The following TSEN54 variants were observed in gnomAD, a reference collection of about 807,000 sequenced individuals.
TSEN54 encodes the protein tRNA splicing endonuclease subunit 54.
In TSEN54, 55 loss-of-function variants were observed where a neutral mutation model predicts 61.9. The ratio of observed to expected loss-of-function variants is 0.89; its 90% CI spans 0.72 to 1.11. The LOEUF is 1.11. Ranked by LOEUF, TSEN54 falls within the 50% of genes most tolerant of loss-of-function variation. The probability of loss-of-function intolerance (pLI) is 0.00; values close to 1 mark genes in which losing one functional copy is unlikely to be tolerated. For missense variants in TSEN54, 760 were observed against 687.7 expected, an observed-to-expected ratio of 1.11 and a Z score of -1.18; for synonymous variants, 304 against 288.7, an observed-to-expected ratio of 1.05 and a Z score of -0.54.
rs2053434009 is a variant in TSEN54 at position 75,522,057 on chromosome 17, A to C, written c.976A>C (p.Asn326His). The C allele has an allele frequency of 6.3e-7, 1 of 1,589,686 alleles. No individual in the cohort carries two copies. Among genetic ancestry groups the C allele is most frequent in the African/African-American group, 1.3e-5 (1 of 74,382 alleles). Residue 326 changes from asparagine (N) to histidine (H), a missense_variant, in exon 8 of 11, where the codon AAC becomes CAC. Asn to His is a moderately conservative substitution (Grantham distance 68, BLOSUM62 1). Coordinates refer to ENST00000333213, the MANE Select transcript of TSEN54 (RefSeq NM_207346.3). The part of the protein sequence containing the change: ...RAPAPELLPA[N>H]VAGRETDAES... ...CCCAGCCCCAGAGCTGCTCCCGGCCAACGTGGCTGGGCGGGAGACAGACGC... is the reference window on the plus strand; with the variant it reads ...CCCAGCCCCAGAGCTGCTCCCGGCCCACGTGGCTGGGCGGGAGACAGACGC...
Position 75,516,858 on chromosome 17 carries a change from C to G in TSEN54, c.169C>G (p.Arg57Gly). 6.4e-7 allele frequency: 1 copy of G among 1,572,470 alleles called. No homozygotes were observed. Among genetic ancestry groups the G allele is most frequent in the Non-Finnish European group, 8.6e-7 (1 of 1,166,176 alleles). Residue 57 changes from arginine to glycine, a missense_variant, in exon 2 of 11, where the codon CGG becomes GGG. Transcript: ENST00000333213. ...GSAAQAERLR[R>G]CREELWQLLA... ...GGCAGCTCAGGCCGAGCGGCTGCGC[C>G]GGTGCCGGGAAGAGCTCTGGCAGCT... is the stretch of plus-strand genomic sequence containing the variant.
At position 75,517,017 on chromosome 17, in the gene TSEN54, TG is replaced by T; in HGVS notation, c.232del (p.Val78TrpfsTer14). On this transcript the variant is annotated frameshift_variant, in exon 3 of 11. Transcript: ENST00000333213. LOFTEE classifies it high-confidence loss of function. Reference protein sequence around the residue: ...AEQRVERLGSLVAAEWRPEEG... With the variant: ...AEQRVERLGSXVAAEWRPEEG... ...TCCCCACTCCTCGCCAGGGGCAGCT[TG>T]GTGGCTGCCGAGTGGAGGCCAGAAG... 6.3e-7 allele frequency: 1 copy of T among 1,588,442 alleles called. No individual in the cohort carries two copies. The highest frequency in any genetic ancestry group is 8.6e-7 in the Non-Finnish European group (1 of 1,168,082).
At chr17:75,521,598 C>A (rs2053427631) in intron 7 of TSEN54, 88 bp downstream of exon 7, 3 of 1,572,086 alleles carry the variant, frequency 1.9e-6, no homozygotes, top group African/African-American at 1.4e-5. Flanking sequence ...CCAGCAGCTC[C>A]CATGCAGGCT....
At position 75,522,132 on chromosome 17, in the gene TSEN54, CG is replaced by C. The variant is rs1568003545; in HGVS notation, c.1054del (p.Glu352AsnfsTer58). The C allele has an allele frequency of 6.4e-7, 1 of 1,566,258 alleles. No homozygotes were observed. Among genetic ancestry groups the C allele is most frequent in the South Asian group, 1.2e-5 (1 of 85,686 alleles). On this transcript the variant is annotated frameshift_variant, in exon 8 of 11. Coordinates refer to ENST00000333213, the MANE Select transcript of TSEN54 (RefSeq NM_207346.3). LOFTEE classifies it high-confidence loss of function. ...CCAGCGCAAGGAGAAGCTCTCCAGG[CG>C]GGAACGGGAGCACCACGCGGAGGCC... The part of the protein sequence containing the change: ...LNQRKEKLSR[R>X]EREHHAEAAQ...
At chr17:75,519,163 T>C (rs2053403400) in intron 6 of TSEN54, 116 bp downstream of exon 6, 4 of 1,212,188 alleles carry the variant, frequency 3.3e-6, no homozygotes, top group Non-Finnish European at 4.9e-6. Flanking sequence ...TGCAGTTCCT[T>C]GGGCACAGAC....
chr17:75,523,874 A>C, intron 10 of TSEN54, 95 bp downstream of exon 10: 1 of 1,383,558 alleles, frequency 7.2e-7, no homozygotes, highest in Non-Finnish European at 1.0e-6. Flanking sequence ...CCAGCGTGCC[A>C]ATCTCTGAGA....
rs758123013 is a variant in TSEN54, at chr17:75,516,828, G to A, written c.139G>A (p.Gly47Ser). The change falls in exon 2 of 11, where the codon GGC (glycine) becomes AGC (serine). Residue 47 changes from glycine (G) to serine (S), a missense_variant. Gly to Ser is a moderately conservative substitution (Grantham distance 56). Around this residue, in one of 3 missense-constraint regions of TSEN54, gnomAD observed 667 missense variants for 577.8 expected, o/e 1.15. Transcript: ENST00000333213. ...SHGPKDFLPDGSAAQAERLRR... is the reference protein window; with the variant it reads ...SHGPKDFLPDSSAAQAERLRR... Reference sequence around the variant, plus strand: ...TGGCCCCAAGGACTTTCTGCCCGACGGCTCGGCAGCTCAGGCCGAGCGGCT... The same window carrying A: ...TGGCCCCAAGGACTTTCTGCCCGACAGCTCGGCAGCTCAGGCCGAGCGGCT... The A allele has an allele frequency of 1.8e-5, 29 of 1,590,894 alleles. No homozygotes were observed. The highest frequency in any genetic ancestry group is 2.7e-5 in the African/African-American group (2 of 74,548).
intron 5 of TSEN54, 93 bp from the exon 6 acceptor site, chr17:75,518,902 G>A: frequency 6.2e-7 from 1 of 1,603,026 alleles, no homozygotes; most frequent in South Asian, 1.1e-5. Flanking sequence ...AGGAGGGGCA[G>A]AGAGGGCTGT....
chr17:75,518,316 G>A (rs1428178273), intron 5 of TSEN54, among the ~76,000 whole-genome samples: 2 of 152,226 alleles, frequency 1.3e-5, no homozygotes, highest in Non-Finnish European at 2.9e-5. Flanking sequence ...CTGTATGGGA[G>A]TGCCATCAGA....
At chr17:75,523,440 G>A in intron 9 of TSEN54, 105 bp downstream of exon 9, 1 of 1,607,630 alleles carries the variant, frequency 6.2e-7, no homozygotes, top group Non-Finnish European at 8.5e-7. Flanking sequence ...CTGTTCCAGG[G>A]ACTCCTACCC....
intron 8 of TSEN54, 67 bp downstream of exon 8, chr17:75,522,400 G>T (rs894223517): frequency 1.3e-6 from 2 of 1,535,958 alleles, no homozygotes; most frequent in Non-Finnish European, 8.7e-7. Context: ...ACTTTGGAAA[G>T]GGCATGGATG....
At position 75,522,268 on chromosome 17, in the gene TSEN54, G is replaced by C. The variant is rs754047235; in HGVS notation, c.1187G>C (p.Arg396Pro). 32 of 1,546,616 alleles carry C rather than the reference G, an allele frequency of 2.1e-5. 2 individuals are homozygous for C. The South Asian group carries it at 3.7e-4, about 18-fold the overall frequency. The stretch of plus-strand genomic sequence containing the variant: ...CGGCAGGTGCAGAGGAGCCAGCGCC[G>C]GGCCCCTCACCTGTGGGGCCAGCCC... ...QRRQVQRSQR[R>P]APHLWGQPVT... The change falls in exon 8 of 11, where the codon CGG (arginine) becomes CCG (proline). Residue 396 changes from arginine to proline, a missense_variant. This residue lies in a region of TSEN54 where 667 missense variants were observed against 577.8 expected (regional missense o/e 1.15). Transcript: ENST00000333213.
At chr17:75,519,134 C>T in intron 6 of TSEN54, 87 bp downstream of exon 6, 2 of 1,486,494 alleles carry the variant, frequency 1.3e-6, no homozygotes, top group East Asian at 4.5e-5. Context: ...CTCTCCTTAC[C>T]TGGAACCCTT....
chr17:75,524,238 C>T, intron 10 of TSEN54, 24 bp from the exon 11 acceptor site: 1 of 1,614,104 alleles, frequency 6.2e-7, no homozygotes, highest in Non-Finnish European at 8.5e-7. Context: ...GGCTGGGTCT[C>T]ACTCTAACCC....
intron 9 of TSEN54, 58 bp from the exon 10 acceptor site, chr17:75,523,605 G>A (rs1226856461): frequency 1.2e-6 from 2 of 1,613,890 alleles, no homozygotes; most frequent in East Asian, 2.2e-5. Flanking sequence ...AGGGTGGGAT[G>A]GAAAAGAAAG....
chr17:75,523,504 A>G, intron 9 of TSEN54, 159 bp from the exon 10 acceptor site: 1 of 1,598,714 alleles, frequency 6.3e-7, no homozygotes, highest in Non-Finnish European at 8.5e-7. Flanking sequence ...GGGAAGAGGG[A>G]GAATAACCAG....
At chr17:75,519,130 T>G in intron 6 of TSEN54, 83 bp downstream of exon 6, 4 of 1,507,606 alleles carry the variant, frequency 2.7e-6, no homozygotes, top group Non-Finnish European at 3.7e-6. Flanking sequence ...TGGCCTCTCC[T>G]TACCTGGAAC....
Position 75,521,954 on chromosome 17 carries a change from C to G in TSEN54, c.873C>G (p.Ala291=), listed in dbSNP as rs754686735. Residue 291 remains alanine (A), a synonymous_variant, in exon 8 of 11, where the codon GCC becomes GCG. Transcript: ENST00000333213. ...GAGCCGAGAACGGAGTCACGGGAGC[C>G]GGTAAGCGGCGCTGGAACTTCGAGC... ...SGRAENGVTG[A]GKRRWNFEQI... is the part of the protein sequence containing the mutation. 6.2e-7 allele frequency: 1 copy of G among 1,610,092 alleles called. No individual in the cohort carries two copies.
In TSEN54 at chr17:75,517,113, C is replaced by T. The variant is rs771881715; in HGVS notation, c.285+41C>T. ...GGGGACCGGGGACCGCCCTCCCTGC[C>T]CTCCCTGCCCTCCCTCCCTTGTGAC... On this transcript the variant is annotated intron_variant, in intron 3 of 10. Coordinates refer to ENST00000333213, the MANE Select transcript of TSEN54 (RefSeq NM_207346.3). The T allele has an allele frequency of 5.1e-6, 8 of 1,560,364 alleles. No individual in the cohort carries two copies. In the African/African-American group the frequency reaches 9.8e-5, roughly 19 times the overall value.
Sources: gnomAD v4.1 joint callset for allele counts (sites outside exome capture counted in the v4.1 genomes callset) on GRCh38, gnomAD v4.1.1 for gene constraint, gnomAD v4.1.1 regional missense constraint, MANE v1.5 for transcripts, NCBI Gene and HGNC (gene_info 2026-07-23, HGNC 2026-07-21) for gene names.